Variants in TCF4 observed in about 807,000 individuals in gnomAD.
The protein encoded by TCF4 is transcription factor 4.
In TCF4, 3 loss-of-function variants were observed where a neutral mutation model predicts 82.1. The ratio of observed to expected loss-of-function variants is 0.04; its 90% CI spans 0.02 to 0.09. The LOEUF is 0.09. Among genes scored for constraint, TCF4 ranks in the 10% least tolerant of loss-of-function variants. The pLI is 1.00. For missense variants in TCF4, 518 were observed against 852.7 expected (o/e 0.61, Z 4.89); for synonymous variants, 276 against 309.6 (o/e 0.89, Z 1.14).
intron 3 of TCF4, among the ~76,000 whole-genome samples, chr18:55,575,173 T>C (rs2097517108): frequency 6.6e-6 from 1 of 152,090 alleles, no homozygotes; most frequent in Non-Finnish European, 1.5e-5. Flanking sequence ...AGGGGAAAAT[T>C]AGATGTCAGA....
intron 11 of TCF4, among the ~76,000 whole-genome samples, chr18:55,262,565 C>T (rs1442430924): frequency 6.6e-6 from 1 of 152,114 alleles, no homozygotes; most frequent in Middle Eastern, 3.2e-3. Flanking sequence ...AGCAAAACTT[C>T]ATTAAACAGG....
At position 55,420,364 on chromosome 18, in the gene TCF4, G is replaced by A. The variant is rs569203130; in HGVS notation, c.305-16846C>T. Among the ~76,000 whole-genome samples the A allele has an allele frequency of 4.6e-5, 7 of 152,312 alleles. No individual in the cohort carries two copies. The South Asian group carries it at 1.2e-3, about 27-fold the overall frequency. ...CTTGTCAACACAGCATGATTACCATGATTATGTGTAAAAACAATCTCCAAT... is the reference window on the plus strand; with the variant it reads ...CTTGTCAACACAGCATGATTACCATAATTATGTGTAAAAACAATCTCCAAT... On this transcript the variant is annotated intron_variant, in intron 5 of 19. Transcript: ENST00000354452.
At chr18:55,354,106 C>G (rs562195957) in intron 6 of TCF4, among the ~76,000 whole-genome samples, 1 of 152,296 alleles carries the variant, frequency 6.6e-6, no homozygotes, top group African/African-American at 2.4e-5. Context: ...TAACTGTCCA[C>G]AGTGTGATGA....
At chr18:55,263,776 C>T (rs1327867936) in intron 11 of TCF4, among the ~76,000 whole-genome samples, 1 of 149,770 alleles carries the variant, frequency 6.7e-6, no homozygotes, top group Admixed American at 6.7e-5. Context: ...TATTATATAC[C>T]TAAAAATTAG....
At chr18:55,448,005 T>TG (rs201980586) in intron 5 of TCF4, among the ~76,000 whole-genome samples, 1,363 of 83,128 alleles carry the variant, frequency 0.016, 19 homozygotes, top group African/African-American at 0.021. Flanking sequence ...GGGGATGATA[T>TG]GGGGGGGGAG....
intron 6 of TCF4, among the ~76,000 whole-genome samples, chr18:55,371,715 A>G (rs560098914): frequency 6.6e-6 from 1 of 152,032 alleles, no homozygotes; most frequent in African/African-American, 2.4e-5. Flanking sequence ...TGACATAGAG[A>G]CGCCTCTCCC....
At position 55,532,937 on chromosome 18, in the gene TCF4, G is replaced by A. The variant is rs2097080222; in HGVS notation, c.145+52343C>T. ...CAATAGCTGCCTTCTTAATAGGGATGTACATAAAGGTATTATAAAACATGG... is the reference window on the plus strand; with the variant it reads ...CAATAGCTGCCTTCTTAATAGGGATATACATAAAGGTATTATAAAACATGG... On this transcript the variant is annotated intron_variant, in intron 3 of 19. Coordinates refer to ENST00000354452, the MANE Select transcript of TCF4 (RefSeq NM_001083962.2). Among the ~76,000 whole-genome samples, 3 of 152,198 alleles carry A rather than the reference G, an allele frequency of 2.0e-5. No homozygotes were observed. The South Asian group carries it at 6.2e-4, about 32-fold the overall frequency.
intron 8 of TCF4, among the ~76,000 whole-genome samples, chr18:55,315,845 CTTT>C (rs1351116190): frequency 6.6e-6 from 1 of 152,010 alleles, no homozygotes; most frequent in Non-Finnish European, 1.5e-5. Flanking sequence ...CTACTGATCT[CTTT>C]TTCCTGGTAT....
intron 3 of TCF4, among the ~76,000 whole-genome samples, chr18:55,533,956 T>C (rs572708006): frequency 6.6e-6 from 1 of 152,318 alleles, no homozygotes; most frequent in African/African-American, 2.4e-5. Context: ...TCTCAAAGGC[T>C]TAGGATCAGA....
At chr18:55,379,193 T>C (rs2091434491) in intron 6 of TCF4, among the ~76,000 whole-genome samples, 1 of 152,190 alleles carries the variant, frequency 6.6e-6, no homozygotes, top group Non-Finnish European at 1.5e-5. Flanking sequence ...TTCTTTTCTT[T>C]AAAAGGTAGC....
intron 2 of TCF4, among the ~76,000 whole-genome samples, chr18:55,613,149 T>C (rs927456348): frequency 2.6e-5 from 4 of 152,074 alleles, no homozygotes; most frequent in Admixed American, 2.6e-4. Flanking sequence ...TATTTAAGTG[T>C]ACAATTTAAT....
intron 12 of TCF4, among the ~76,000 whole-genome samples, chr18:55,260,396 C>G (rs375991237): frequency 3.9e-5 from 6 of 152,312 alleles, no homozygotes; most frequent in Admixed American, 2.0e-4. Flanking sequence ...TATTTTGCCA[C>G]TCTTTTGCCA....
intron 4 of TCF4, among the ~76,000 whole-genome samples, chr18:55,462,393 A>C (rs1305702617): frequency 6.6e-6 from 1 of 152,126 alleles, no homozygotes; most frequent in East Asian, 1.9e-4. Flanking sequence ...CAGTGCTGTA[A>C]GGTAGACACT....
chr18:55,355,546 C>T (rs1230722730), intron 6 of TCF4, among the ~76,000 whole-genome samples: 5 of 152,130 alleles, frequency 3.3e-5, no homozygotes, highest in African/African-American at 1.2e-4. Flanking sequence ...TATCTCGCAC[C>T]AAAGGGCAAT....
At chr18:55,345,971 AAC>A (rs2144611914) in intron 8 of TCF4, among the ~76,000 whole-genome samples, 2 of 152,270 alleles carry the variant, frequency 1.3e-5, no homozygotes, top group East Asian at 1.9e-4. Flanking sequence ...ATAAGGAAAA[AAC>A]AGTTTACCAA....
intron 8 of TCF4, among the ~76,000 whole-genome samples, chr18:55,304,538 TA>T (rs1014116591): frequency 6.6e-6 from 1 of 151,918 alleles, no homozygotes; most frequent in African/African-American, 2.4e-5. Flanking sequence ...ACTTCCTAAT[TA>T]AAAAAAACTG....
At chr18:55,604,381 C>T (rs1281428333) in intron 2 of TCF4, among the ~76,000 whole-genome samples, 1 of 152,044 alleles carries the variant, frequency 6.6e-6, no homozygotes, top group Non-Finnish European at 1.5e-5. Context: ...TCCTTGTCTT[C>T]CTCTTTTTTC....
chr18:55,257,295 G>C lies in TCF4; in HGVS notation c.1146+20C>G. 1 of 1,610,604 alleles carries C rather than the reference G, an allele frequency of 6.2e-7. No individual in the cohort carries two copies. Among genetic ancestry groups the C allele is most frequent in the Non-Finnish European group, 8.5e-7 (1 of 1,176,968 alleles). Reference sequence around the variant, plus strand: ...ATGACCTGAAAATGGGTGGGACAGAGATTAGCAAATGAGACATACCAAAGA... The same window carrying C: ...ATGACCTGAAAATGGGTGGGACAGACATTAGCAAATGAGACATACCAAAGA... On this transcript the variant is annotated intron_variant, in intron 14 of 19. Coordinates refer to ENST00000354452, the MANE Select transcript of TCF4 (RefSeq NM_001083962.2).
chr18:55,545,605 C>A (rs1313977823), intron 3 of TCF4, among the ~76,000 whole-genome samples: 2 of 152,132 alleles, frequency 1.3e-5, no homozygotes, highest in African/African-American at 4.8e-5. Flanking sequence ...CCCACCACCA[C>A]ACCTGGCTAA....
Sources: allele counts gnomAD v4.1 joint callset (sites outside exome capture counted in the v4.1 genomes callset), GRCh38; gene constraint gnomAD v4.1.1; transcripts MANE v1.5; gene names NCBI Gene and HGNC (gene_info 2026-07-23, HGNC 2026-07-21).